Variants in PPP1CB observed in about 807,000 individuals in gnomAD.
PPP1CB encodes the protein protein phosphatase 1 catalytic subunit beta.
A neutral mutation model predicts 43.7 loss-of-function variants in PPP1CB; 2 were observed. The ratio of observed to expected loss-of-function variants is 0.05; its 90% CI spans 0.02 to 0.14. The LOEUF is 0.14. PPP1CB is among the 10% of genes least tolerant of loss of function. PPP1CB has a pLI of 1.00. For synonymous variants in PPP1CB, 136 were observed against 135.6 expected, an observed-to-expected ratio of 1.00 and a Z score of -0.02; for missense variants, 84 against 398.0, an observed-to-expected ratio of 0.21 and a Z score of 6.71.
At chr2:28,791,767 C>T (rs914284479) in intron 6 of PPP1CB, among the ~76,000 whole-genome samples, 1 of 152,154 alleles carries the variant, frequency 6.6e-6, no homozygotes, top group Non-Finnish European at 1.5e-5. Flanking sequence ...CATAGATCTT[C>T]ATTCACTGGT....
intron 7 of PPP1CB, among the ~76,000 whole-genome samples, chr2:28,798,843 GGTTA>G (rs1667549652): frequency 6.6e-6 from 1 of 151,982 alleles, no homozygotes; most frequent in African/African-American, 2.4e-5. Context: ...GTGACTTGTA[GGTTA>G]GTTACCCTCC....
chr2:28,801,167 T>C lies in PPP1CB; in HGVS notation c.*1864T>C, dbSNP rs1667606985. 1 of 152,168 alleles carries C rather than the reference T, an allele frequency of 6.6e-6. No homozygotes were observed. Among genetic ancestry groups the C allele is most frequent in the African/African-American group, 2.4e-5 (1 of 41,462 alleles). 9.4% of individuals were successfully genotyped at this position (152,168 alleles called of 1,614,324 possible). ...GAAAGTATTCATGATCTGCATATGA[T>C]GTATTAGGTTAGGTCACAAAGGTTT... On this transcript the variant is annotated 3_prime_UTR_variant, in exon 8 of 8. Transcript: ENST00000395366.
At chr2:28,778,403 C>T in intron 2 of PPP1CB, 1 of 472,368 alleles carries the variant, frequency 2.1e-6, no homozygotes, top group Non-Finnish European at 4.4e-6. Context: ...TCACAAGGCT[C>T]CAATTAAGGC....
intron 1 of PPP1CB, among the ~76,000 whole-genome samples, chr2:28,756,791 A>G (rs1330070970): frequency 1.6e-5 from 2 of 121,912 alleles, no homozygotes; most frequent in African/African-American, 6.3e-5. Context: ...CCCAGCCTGT[A>G]GTGTCCTTTT....
chr2:28,781,689 T>G (rs1318953761), intron 3 of PPP1CB, 49 bp from the exon 4 acceptor site: 5 of 1,272,596 alleles, frequency 3.9e-6, no homozygotes, highest in Non-Finnish European at 2.2e-6. Flanking sequence ...AGATAACTGA[T>G]GAGAACAGTT....
Position 28,759,444 on chromosome 2 carries a change from T to G in PPP1CB, c.52+7268T>G, listed in dbSNP as rs540425976. Among the ~76,000 whole-genome samples, 145 of 139,730 alleles carry G rather than the reference T, an allele frequency of 1.0e-3. 3 individuals are homozygous for G. The highest frequency in any genetic ancestry group is 1.7e-4 in the Non-Finnish European group (11 of 66,262). The allele number at this position is 139,730 out of a possible 152,430, so 91.7% of individuals were successfully genotyped here. A position where few individuals can be genotyped will look rare whatever the true frequency, so the allele number is the denominator to read the frequency against. ...CTGAGGCAGGAGAATCACTTGAACC[T>G]GGGAGGTGGAGGTTGCAGTGAGCAA... On this transcript the variant is annotated intron_variant, in intron 1 of 7. Coordinates refer to ENST00000395366, the MANE Select transcript of PPP1CB (RefSeq NM_002709.3).
intron 6 of PPP1CB, 60 bp downstream of exon 6, chr2:28,788,869 G>C: frequency 6.9e-7 from 1 of 1,448,308 alleles, no homozygotes; most frequent in Non-Finnish European, 9.2e-7. Context: ...GGGGGCAGAC[G>C]GAGGGGCAGA....
At chr2:28,772,114 C>G (rs550905704) in intron 1 of PPP1CB, among the ~76,000 whole-genome samples, 1 of 151,954 alleles carries the variant, frequency 6.6e-6, no homozygotes, top group Admixed American at 6.6e-5. Flanking sequence ...GTTAGGAGTT[C>G]GAGATGAGCC....
At chr2:28,756,904 C>T (rs1666501557) in intron 1 of PPP1CB, among the ~76,000 whole-genome samples, 2 of 152,214 alleles carry the variant, frequency 1.3e-5, no homozygotes, top group East Asian at 1.9e-4. Flanking sequence ...ATATAATTCA[C>T]ATACCATACA....
At chr2:28,757,028 C>T (rs1483070840) in intron 1 of PPP1CB, among the ~76,000 whole-genome samples, 3 of 152,138 alleles carry the variant, frequency 2.0e-5, no homozygotes, top group Non-Finnish European at 2.9e-5. Flanking sequence ...ACCCTGTTCC[C>T]GGTAGCAGAC....
At chr2:28,774,884 TCTG>T (rs1666999728) in intron 1 of PPP1CB, among the ~76,000 whole-genome samples, 1 of 152,178 alleles carries the variant, frequency 6.6e-6, no homozygotes, top group African/African-American at 2.4e-5. Context: ...TAAAAGCAGT[TCTG>T]CTGATCATTG....
chr2:28,783,757 GA>G (rs11449670), intron 4 of PPP1CB, 149 bp from the exon 5 acceptor site: 33,787 of 453,292 alleles, frequency 0.075, 1 homozygote, highest in South Asian at 0.096. Flanking sequence ...ATTCTGTCTC[GA>G]AAAAAAAAAA....
At chr2:28,759,155 CAT>C (rs1411003327) in intron 1 of PPP1CB, among the ~76,000 whole-genome samples, 1 of 152,152 alleles carries the variant, frequency 6.6e-6, no homozygotes, top group Admixed American at 6.5e-5. Flanking sequence ...GGCATAATGT[CAT>C]AGTGCAATGC....
In PPP1CB at chr2:28,799,929, G is replaced by C. The variant is rs1007132068; in HGVS notation, c.*626G>C. 1 of 152,442 alleles carries C rather than the reference G, an allele frequency of 6.6e-6. No individual in the cohort carries two copies. The highest frequency in any genetic ancestry group is 1.5e-5 in the Non-Finnish European group (1 of 67,954). 9.4% of individuals were successfully genotyped at this position (152,442 alleles called of 1,614,324 possible). Reference sequence around the variant, plus strand: ...AAAAATACGCACATTGTCCAATCCAGTGATTTTAATCATACAGTTTGACTG... The same window carrying C: ...AAAAATACGCACATTGTCCAATCCACTGATTTTAATCATACAGTTTGACTG... On this transcript the variant is annotated 3_prime_UTR_variant, in exon 8 of 8. Transcript: ENST00000395366.
chr2:28,800,146 T>TTCG lies in PPP1CB; in HGVS notation c.*844_*846dup. ...GTGGTACCTTGGCTTTAGGTTTTCA[T>TTCG]TCGCACGGAACACCTTTTGGCATGC... On this transcript the variant is annotated 3_prime_UTR_variant, in exon 8 of 8. Transcript: ENST00000395366. 6.6e-6 allele frequency: 1 copy of TTCG among 152,284 alleles called. No individual in the cohort carries two copies. Among genetic ancestry groups the TTCG allele is most frequent in the East Asian group, 1.9e-4 (1 of 5,196 alleles). 9.4% of individuals were successfully genotyped at this position (152,284 alleles called of 1,614,324 possible). A position where few individuals can be genotyped will look rare whatever the true frequency, so the allele number is the denominator to read the frequency against.
chr2:28,766,622 T>A (rs929942548), intron 1 of PPP1CB, among the ~76,000 whole-genome samples: 5 of 152,222 alleles, frequency 3.3e-5, no homozygotes, highest in Non-Finnish European at 5.9e-5. Flanking sequence ...TCACTTCGAA[T>A]GAGGATTGGC....
intron 1 of PPP1CB, among the ~76,000 whole-genome samples, chr2:28,773,176 A>G (rs1378048245): frequency 6.6e-6 from 1 of 152,218 alleles, no homozygotes; most frequent in Admixed American, 6.5e-5. Flanking sequence ...TAAAGTTAGT[A>G]TACTATATGT....
chr2:28,755,753 G>A (rs1254598300), intron 1 of PPP1CB, among the ~76,000 whole-genome samples: 2 of 152,190 alleles, frequency 1.3e-5, no homozygotes, highest in South Asian at 2.1e-4. Context: ...AATGCATTTG[G>A]GAGGAGGTTA....
intron 1 of PPP1CB, among the ~76,000 whole-genome samples, chr2:28,771,883 A>C (rs2148045400): frequency 6.6e-6 from 1 of 152,280 alleles, no homozygotes; most frequent in Admixed American, 6.5e-5. Context: ...ATTTAAATTC[A>C]TTAAAGAACT....
Sources: gnomAD v4.1 joint callset for allele counts (sites outside exome capture counted in the v4.1 genomes callset) on GRCh38, gnomAD v4.1.1 for gene constraint, MANE v1.5 for transcripts, NCBI Gene and HGNC (gene_info 2026-07-23, HGNC 2026-07-21) for gene names.